IL6R: variants seen among roughly 807,000 people sequenced by gnomAD.
The protein encoded by IL6R is interleukin 6 receptor.
In IL6R, 38 loss-of-function variants were observed where a neutral mutation model predicts 48.3. That is an observed-to-expected ratio of 0.79 (90% CI 0.61 to 1.03). The LOEUF (loss-of-function observed/expected upper bound fraction) is 1.03, where lower values mean the gene tolerates loss of function less well. Among genes scored for constraint, IL6R ranks in the 50% least tolerant of loss-of-function variants. The pLI, the probability that IL6R is intolerant of heterozygous loss-of-function variation, is 0.00. For synonymous variants in IL6R, 264 were observed against 256.2 expected, an observed-to-expected ratio of 1.03 and a Z score of -0.29; for missense variants, 534 against 618.3, an observed-to-expected ratio of 0.86 and a Z score of 1.45.
intron 9 of IL6R, among the ~76,000 whole-genome samples, chr1:154,463,390 T>C (rs1691372614): frequency 6.6e-6 from 1 of 152,246 alleles, no homozygotes; most frequent in African/African-American, 2.4e-5. Context: ...GTTTATTTCA[T>C]TTGGATACCA....
chr1:154,448,117 G>A lies in IL6R; in HGVS notation c.950-8G>A, dbSNP rs576503217. The A allele has an allele frequency of 2.6e-4, 413 of 1,612,926 alleles. 3 individuals are homozygous for A. In the South Asian group the frequency reaches 4.2e-3, roughly 16 times the overall value. ...ATCACTAATAATGAGCCTTTCTTCT[G>A]TCCGCAGAATCCAGGAGTCCTCCAG... is the stretch of plus-strand genomic sequence containing the variant. On this transcript the variant is annotated splice_region_variant and splice_polypyrimidine_tract_variant and intron_variant, in intron 6 of 9. Coordinates refer to ENST00000368485, the MANE Select transcript of IL6R (RefSeq NM_000565.4).
chr1:154,405,671 C>T lies in IL6R; in HGVS notation c.42C>T (p.Ala14=). Residue 14 remains alanine (A), a synonymous_variant, in exon 1 of 10, where the codon GCC becomes GCT. Transcript: ENST00000368485. The surrounding 1 kb of genome is among the most constrained non-coding windows in gnomAD (Gnocchi z 5.2). ...VGCALLAALL[A]APGAALAPRR... ...GCGCGCTGCTGGCTGCCCTGCTGGC[C>T]GCGCCGGGAGCGGCGCTGGCCCCAA... The T allele has an allele frequency of 6.5e-7, 1 of 1,530,600 alleles. No homozygotes were observed. The highest frequency in any genetic ancestry group is 8.7e-7 in the Non-Finnish European group (1 of 1,145,840). 94.8% of individuals were successfully genotyped at this position (1,530,600 alleles called of 1,614,324 possible). A position where few individuals can be genotyped will look rare whatever the true frequency, so the allele number is the denominator to read the frequency against.
chr1:154,462,817 T>A (rs55668699), intron 9 of IL6R, among the ~76,000 whole-genome samples: 28,393 of 151,470 alleles, frequency 0.19, 3,431 homozygotes, highest in Non-Finnish European at 0.24. Flanking sequence ...TTAATTAATT[T>A]ATTTATTTAT....
At chr1:154,448,942 G>A (rs1490197366) in intron 7 of IL6R, among the ~76,000 whole-genome samples, 5 of 133,116 alleles carry the variant, frequency 3.8e-5, no homozygotes, top group Non-Finnish European at 7.8e-5. Context: ...GTGGGACTGC[G>A]GACTGCAGTG....
At chr1:154,440,901 T>C (rs1193614298) in intron 6 of IL6R, among the ~76,000 whole-genome samples, 1 of 152,138 alleles carries the variant, frequency 6.6e-6, no homozygotes, top group East Asian at 1.9e-4. Flanking sequence ...GATCTGCCCA[T>C]CTATGCCTCC....
chr1:154,451,076 C>T (rs1690553936), intron 8 of IL6R, among the ~76,000 whole-genome samples: 1 of 152,064 alleles, frequency 6.6e-6, no homozygotes, highest in South Asian at 2.1e-4. Flanking sequence ...GTGAGATGGG[C>T]CAAAAGGGAG....
intron 1 of IL6R, among the ~76,000 whole-genome samples, chr1:154,416,192 T>C (rs4521987): frequency 0.81 from 122,399 of 151,890 alleles, 49,928 homozygotes; most frequent in East Asian, 0.93. Context: ...TGCAGTGTCT[T>C]GATCATAGCT....
intron 3 of IL6R, 90 bp downstream of exon 3, chr1:154,430,696 T>C: frequency 6.6e-7 from 1 of 1,517,590 alleles, no homozygotes; most frequent in Admixed American, 1.9e-5. Flanking sequence ...TTTCAAAACA[T>C]TATCATTAGG....
chr1:154,458,319 G>A (rs1193794347), intron 9 of IL6R, among the ~76,000 whole-genome samples: 7 of 152,072 alleles, frequency 4.6e-5, no homozygotes, highest in South Asian at 2.1e-4. Flanking sequence ...TGAAGGGTGC[G>A]TGCAAGATAA....
intron 1 of IL6R, among the ~76,000 whole-genome samples, chr1:154,421,425 A>G (rs1210788903): frequency 6.6e-6 from 1 of 152,134 alleles, no homozygotes; most frequent in Non-Finnish European, 1.5e-5. Flanking sequence ...ATGGCCTCCA[A>G]CCTAACCCAG....
intron 8 of IL6R, among the ~76,000 whole-genome samples, chr1:154,450,336 G>A (rs1035153353): frequency 6.6e-5 from 10 of 152,104 alleles, no homozygotes; most frequent in Non-Finnish European, 1.3e-4. Context: ...ATGTTGGCCA[G>A]GCTGGTCTTG....
At chr1:154,435,757 A>G (rs1689587621) in intron 5 of IL6R, among the ~76,000 whole-genome samples, 1 of 152,204 alleles carries the variant, frequency 6.6e-6, no homozygotes, top group Non-Finnish European at 1.5e-5. Context: ...GCAGGATTCT[A>G]TAGTGCATGG....
intron 9 of IL6R, among the ~76,000 whole-genome samples, chr1:154,461,913 C>T (rs946845976): frequency 2.0e-5 from 3 of 152,154 alleles, no homozygotes; most frequent in African/African-American, 7.2e-5. Flanking sequence ...TCCCGTTCCT[C>T]TGTGAGGGTC....
chr1:154,456,964 T>C (rs112056937), intron 9 of IL6R, among the ~76,000 whole-genome samples: 2,338 of 151,846 alleles, frequency 0.015, 62 homozygotes, highest in African/African-American at 0.053. Flanking sequence ...ACAGTAGGTG[T>C]TGGAATTACA....
intron 4 of IL6R, 126 bp downstream of exon 4, chr1:154,434,826 T>C (rs1689517185): frequency 1.2e-5 from 14 of 1,208,746 alleles, no homozygotes; most frequent in Admixed American, 2.3e-5. Context: ...CTTTTGGGCG[T>C]TGCTTGCCGG....
Position 154,434,860 on chromosome 1 carries a change from G to T in IL6R, c.641-130G>T, listed in dbSNP as rs1029523594. ...GGGAGGTGTGGCAATGATAAAGCAG[G>T]CCCTTGTGGAGCTGTGCATGGGGAG... On this transcript the variant is annotated intron_variant, in intron 4 of 9. Transcript: ENST00000368485. 6 of 1,200,968 alleles carry T rather than the reference G, an allele frequency of 5.0e-6. No homozygotes were observed. In the East Asian group the frequency reaches 1.5e-4, roughly 30 times the overall value. 74.4% of individuals were successfully genotyped at this position (1,200,968 alleles called of 1,614,324 possible).
chr1:154,465,597 G>A lies in IL6R; in HGVS notation c.*217G>A. On this transcript the variant is annotated 3_prime_UTR_variant, in exon 10 of 10. Transcript: ENST00000368485. ...TCAAACCTCCCTTTCCAAATGCCCA[G>A]CTTAAAGGGGCTAGAGTGAACTTGG... 2 of 594,986 alleles carry A rather than the reference G, an allele frequency of 3.4e-6. No individual in the cohort carries two copies. The highest frequency in any genetic ancestry group is 4.6e-4 in the Middle Eastern group (1 of 2,196). 36.9% of individuals were successfully genotyped at this position (594,986 alleles called of 1,614,324 possible).
chr1:154,447,506 T>TACACACATAC (rs1158773933), intron 6 of IL6R, among the ~76,000 whole-genome samples: 1,166 of 67,168 alleles, frequency 0.017, 78 homozygotes, highest in African/African-American at 0.082. Context: ...CACACACATA[T>TACACACATAC]ATATATACAC....
intron 8 of IL6R, among the ~76,000 whole-genome samples, chr1:154,451,432 C>T (rs1472833775): frequency 4.6e-5 from 7 of 151,816 alleles, no homozygotes; most frequent in African/African-American, 7.2e-5. Flanking sequence ...GCAAGAGAAT[C>T]ACTTGAACCT....
Sources: gnomAD v4.1 joint callset for allele counts (sites outside exome capture counted in the v4.1 genomes callset) on GRCh38, gnomAD v4.1.1 for gene constraint, Gnocchi (gnomAD v3.1) non-coding constraint, MANE v1.5 for transcripts, NCBI Gene and HGNC (gene_info 2026-07-23, HGNC 2026-07-21) for gene names.